DCLK2: variants seen among roughly 807,000 people sequenced by gnomAD.
DCLK2 encodes the protein doublecortin like kinase 2.
DCLK2 carries 31 observed loss-of-function variants against 78.4 expected under a neutral mutation model. That is an observed-to-expected ratio of 0.40 (90% CI 0.30 to 0.53). The LOEUF (loss-of-function observed/expected upper bound fraction) is 0.53, where lower values mean the gene tolerates loss of function less well. Among genes scored for constraint, DCLK2 ranks in the 20% least tolerant of loss-of-function variants. DCLK2 has a pLI of 0.61. For synonymous variants in DCLK2, 407 were observed against 374.9 expected (o/e 1.09, Z -0.99); for missense variants, 872 against 973.7 (o/e 0.90, Z 1.39).
At chr4:150,153,376 T>C (rs1735026739) in intron 2 of DCLK2, among the ~76,000 whole-genome samples, 1 of 152,070 alleles carries the variant, frequency 6.6e-6, no homozygotes, top group African/African-American at 2.4e-5. Flanking sequence ...CTGCCAGCCT[T>C]GATCCCTATT....
At chr4:150,250,622 G>C (rs1743706431) in intron 15 of DCLK2, among the ~76,000 whole-genome samples, 1 of 151,774 alleles carries the variant, frequency 6.6e-6, no homozygotes, top group Non-Finnish European at 1.5e-5. Context: ...TTTCACATCT[G>C]GGCCCCCCGT....
chr4:150,124,024 A>T (rs1732755284), intron 2 of DCLK2, among the ~76,000 whole-genome samples: 2 of 152,164 alleles, frequency 1.3e-5, no homozygotes, highest in South Asian at 4.1e-4. Flanking sequence ...TGTCTCAAAA[A>T]AAAAAAAATT....
At chr4:150,164,891 T>C (rs1014064345) in intron 2 of DCLK2, among the ~76,000 whole-genome samples, 3 of 152,222 alleles carry the variant, frequency 2.0e-5, no homozygotes, top group Non-Finnish European at 4.4e-5. Flanking sequence ...AGTTGCAATA[T>C]CATTGTATAG....
chr4:150,256,078 G>C lies in DCLK2; in HGVS notation c.2132G>C (p.Gly711Ala). The C allele has an allele frequency of 6.2e-7, 1 of 1,613,076 alleles. No homozygotes were observed. The highest frequency in any genetic ancestry group is 8.5e-7 in the Non-Finnish European group (1 of 1,179,916). ...IFCSKHCQDS[G>A]RPGMEPISPV... ...TGCAGCAAGCACTGTCAAGACAGCG[G>C]CAGGCCTGGGATGGAGCCCATCTCT... The change falls in exon 16 of 16, where the codon GGC (glycine) becomes GCC (alanine). Residue 711 changes from glycine to alanine, a missense_variant. Physicochemically the swap from Gly to Ala is moderately conservative, Grantham distance 60. Around this residue, in one of 3 missense-constraint regions of DCLK2, gnomAD observed 219 missense variants for 230.1 expected, o/e 0.95. Coordinates refer to ENST00000296550, the MANE Select transcript of DCLK2 (RefSeq NM_001040260.4).
At chr4:150,096,339 G>A (rs939435854) in intron 1 of DCLK2, among the ~76,000 whole-genome samples, 6 of 152,334 alleles carry the variant, frequency 3.9e-5, no homozygotes, top group Admixed American at 2.6e-4. Flanking sequence ...AGTGAAATTC[G>A]TTTTAGATAT....
At chr4:150,201,832 T>C (rs537495413) in intron 4 of DCLK2, among the ~76,000 whole-genome samples, 1 of 152,300 alleles carries the variant, frequency 6.6e-6, no homozygotes, top group South Asian at 2.1e-4. Context: ...AAGGAAAATT[T>C]AGTCTCACCT....
At chr4:150,152,524 T>G (rs1560815897) in intron 2 of DCLK2, among the ~76,000 whole-genome samples, 1 of 152,176 alleles carries the variant, frequency 6.6e-6, no homozygotes, top group Non-Finnish European at 1.5e-5. Flanking sequence ...TCAGGTGATC[T>G]GCCCGCCTCA....
At chr4:150,113,878 A>G (rs1731875528) in intron 2 of DCLK2, among the ~76,000 whole-genome samples, 1 of 152,124 alleles carries the variant, frequency 6.6e-6, no homozygotes, top group African/African-American at 2.4e-5. Flanking sequence ...TGATGTAGGC[A>G]TTTAGCTCTG....
At chr4:150,178,308 A>G (rs1027491820) in intron 2 of DCLK2, among the ~76,000 whole-genome samples, 1 of 152,238 alleles carries the variant, frequency 6.6e-6, no homozygotes, top group Non-Finnish European at 1.5e-5. Flanking sequence ...TAGCATAAAA[A>G]GTTTTGGCTG....
rs200499173 is a variant in DCLK2, at chr4:150,249,539, A to T, written c.1957-29A>T. 70 of 1,588,958 alleles carry T rather than the reference A, an allele frequency of 4.4e-5. No individual in the cohort carries two copies. In the East Asian group the frequency reaches 1.5e-3, roughly 33 times the overall value. On this transcript the variant is annotated intron_variant, in intron 14 of 15. Transcript: ENST00000296550. ...ACTCAAACGGGAGGATGGAAAAAGCATTGTATTTGATTGTTTTCTTTCCTG... is the reference window on the plus strand; with the variant it reads ...ACTCAAACGGGAGGATGGAAAAAGCTTTGTATTTGATTGTTTTCTTTCCTG...
intron 1 of DCLK2, among the ~76,000 whole-genome samples, chr4:150,089,246 A>G (rs563516809): frequency 6.6e-6 from 1 of 152,306 alleles, no homozygotes; most frequent in South Asian, 2.1e-4. Context: ...TTGAGTTACC[A>G]TCATTATCAA....
At chr4:150,161,822 A>T (rs1735722932) in intron 2 of DCLK2, among the ~76,000 whole-genome samples, 1 of 152,216 alleles carries the variant, frequency 6.6e-6, no homozygotes, top group Non-Finnish European at 1.5e-5. Flanking sequence ...AATGTGAAAG[A>T]AAATAATAAG....
chr4:150,255,280 G>A (rs1464924445), intron 15 of DCLK2, among the ~76,000 whole-genome samples: 1 of 152,210 alleles, frequency 6.6e-6, no homozygotes, highest in Non-Finnish European at 1.5e-5. Context: ...CATTGAGATG[G>A]CAGCTTGATG....
chr4:150,111,924 G>C (rs956426121), intron 2 of DCLK2, among the ~76,000 whole-genome samples: 1 of 152,004 alleles, frequency 6.6e-6, no homozygotes. Context: ...TGTTCTTTTT[G>C]CTTAGGATTG....
intron 2 of DCLK2, among the ~76,000 whole-genome samples, chr4:150,175,862 C>T (rs973504670): frequency 6.6e-6 from 1 of 152,148 alleles, no homozygotes; most frequent in African/African-American, 2.4e-5. Flanking sequence ...TCTCTCCCCT[C>T]TCTGTACCGT....
intron 2 of DCLK2, among the ~76,000 whole-genome samples, chr4:150,124,569 T>G (rs1184961964): frequency 6.6e-6 from 1 of 152,198 alleles, no homozygotes; most frequent in Non-Finnish European, 1.5e-5. Flanking sequence ...AAACACCTAG[T>G]CTTTTACATT....
chr4:150,175,011 A>AAAATATATAT lies in DCLK2; in HGVS notation c.757-18126_757-18125insAATATATATA, dbSNP rs1454035697. On this transcript the variant is annotated intron_variant, in intron 2 of 15. Coordinates refer to ENST00000296550, the MANE Select transcript of DCLK2 (RefSeq NM_001040260.4). ...AGACTCCGTCGCAAAAAAAAAAAAA[A>AAAATATATAT]ATATATATATATATATATATATTTA... 2.1e-3 allele frequency among the ~76,000 whole-genome samples: 21 copies of AAAATATATAT among 9,974 alleles called. 6 individuals are homozygous for AAAATATATAT. The South Asian group carries it at 0.032, about 15-fold the overall frequency. The allele number at this position is 9,974 out of a possible 152,430, so 6.5% of individuals were successfully genotyped here.
Position 150,190,053 on chromosome 4 carries a change from G to GAAAAAAAAAAAAAAAAAAAAAAA in DCLK2, c.757-3085_757-3084insAAAAAAAAAAAAAAAAAAAAAAA, listed in dbSNP as rs1378760105. Among the ~76,000 whole-genome samples the GAAAAAAAAAAAAAAAAAAAAAAA allele has an allele frequency of 4.2e-3, 55 of 12,956 alleles. 10 individuals carry two copies. The highest frequency in any genetic ancestry group is 0.01 in the Non-Finnish European group (36 of 3,494). 8.5% of individuals were successfully genotyped at this position (12,956 alleles called of 152,430 possible). ...CTGTCTCAAAAAAAAAAAAAAAAAG[G>GAAAAAAAAAAAAAAAAAAAAAAA]CCAAGTGTGGTGGCTGTGGTCCCAG... On this transcript the variant is annotated intron_variant, in intron 2 of 15. Coordinates refer to ENST00000296550, the MANE Select transcript of DCLK2 (RefSeq NM_001040260.4).
At position 150,117,585 on chromosome 4, in the gene DCLK2, C is replaced by T. The variant is rs115712790; in HGVS notation, c.756+14773C>T. Reference sequence around the variant, plus strand: ...GTGATTGCTGTCTGAGTTAGCTGGCCGACTTCTGCAAGGTCCCCTGTGAGG... The same window carrying T: ...GTGATTGCTGTCTGAGTTAGCTGGCTGACTTCTGCAAGGTCCCCTGTGAGG... On this transcript the variant is annotated intron_variant, in intron 2 of 15. Coordinates refer to ENST00000296550, the MANE Select transcript of DCLK2 (RefSeq NM_001040260.4). 5.0e-3 allele frequency among the ~76,000 whole-genome samples: 769 copies of T among 152,280 alleles called. 7 individuals are homozygous for T. Among genetic ancestry groups the T allele is most frequent in the African/African-American group, 0.017 (702 of 41,544 alleles).
Sources: allele counts gnomAD v4.1 joint callset (sites outside exome capture counted in the v4.1 genomes callset), GRCh38; gene constraint gnomAD v4.1.1; regional missense constraint gnomAD v4.1.1; transcripts MANE v1.5; gene names NCBI Gene and HGNC (gene_info 2026-07-23, HGNC 2026-07-21).